SLC37A2: variants seen among roughly 807,000 people sequenced by gnomAD.
SLC37A2 encodes the protein glucose-6-phosphate exchanger SLC37A2.
SLC37A2 carries 59 observed loss-of-function variants against 70.7 expected under a neutral mutation model. That is an observed-to-expected ratio of 0.83 (90% CI 0.68 to 1.04). The LOEUF (loss-of-function observed/expected upper bound fraction) is 1.04. SLC37A2 is among the 50% of genes least tolerant of loss of function. The probability of loss-of-function intolerance (pLI) is 0.00; values close to 1 mark genes in which losing one functional copy is unlikely to be tolerated. For synonymous variants in SLC37A2, 257 were observed against 262.1 expected, an observed-to-expected ratio of 0.98 and a Z score of 0.19; for missense variants, 580 against 658.1, an observed-to-expected ratio of 0.88 and a Z score of 1.30.
At chr11:125,086,051 C>A in intron 17 of SLC37A2, 33 bp downstream of exon 17, 1 of 1,603,120 alleles carries the variant, frequency 6.2e-7, no homozygotes, top group Non-Finnish European at 8.5e-7. Flanking sequence ...GCCCCTCTAC[C>A]AACCTCATTT....
At chr11:125,070,411 A>G (rs1949018225) in intron 1 of SLC37A2, among the ~76,000 whole-genome samples, 1 of 151,864 alleles carries the variant, frequency 6.6e-6, no homozygotes, top group Non-Finnish European at 1.5e-5. Context: ...TCTTTATAAC[A>G]CTCTCGTGCA....
chr11:125,088,363 T>C lies in SLC37A2; in HGVS notation c.*229T>C. 3.5e-6 allele frequency: 2 copies of C among 575,986 alleles called. No homozygotes were observed. Among genetic ancestry groups the C allele is most frequent in the South Asian group, 2.3e-5 (1 of 43,728 alleles). 35.7% of individuals were successfully genotyped at this position (575,986 alleles called of 1,614,324 possible). A position where few individuals can be genotyped will look rare whatever the true frequency, so the allele number is the denominator to read the frequency against. On this transcript the variant is annotated 3_prime_UTR_variant, in exon 18 of 18. Transcript: ENST00000403796. ...ATTCAGGGGCCTGAGCTCTGGAAGC[T>C]GCAAGCAAAAGGGATGGGACTAGGG... is the stretch of plus-strand genomic sequence containing the variant.
At chr11:125,076,549 A>T (rs1335297886) in intron 1 of SLC37A2, among the ~76,000 whole-genome samples, 4 of 152,110 alleles carry the variant, frequency 2.6e-5, no homozygotes, top group African/African-American at 9.7e-5. Context: ...AGGCCTCAGG[A>T]GTTGGGACCA....
At chr11:125,068,870 A>G (rs575754800) in intron 1 of SLC37A2, among the ~76,000 whole-genome samples, 1 of 152,342 alleles carries the variant, frequency 6.6e-6, no homozygotes, top group African/African-American at 2.4e-5. Flanking sequence ...GAGAAATCAA[A>G]TCTCTGTCAC....
intron 17 of SLC37A2, 144 bp from the exon 18 acceptor site, chr11:125,087,975 G>A: frequency 1.2e-6 from 1 of 860,170 alleles, no homozygotes; most frequent in Non-Finnish European, 1.8e-6. Flanking sequence ...TGCCTGAGAG[G>A]TGAAAGGGAG....
intron 1 of SLC37A2, among the ~76,000 whole-genome samples, chr11:125,065,367 C>T (rs1439264362): frequency 6.6e-6 from 1 of 152,116 alleles, no homozygotes; most frequent in Non-Finnish European, 1.5e-5. Flanking sequence ...ATAAACTTAG[C>T]TGGAAGTTTT....
rs1949208754 is a variant in SLC37A2, at chr11:125,085,948, C to T, written c.1426-6C>T. ...CTCCCTTCCCTCTGTGCCTTGTGCTCCACAGCTCCTTTGCCGGTTAGTATA... is the reference window on the plus strand; with the variant it reads ...CTCCCTTCCCTCTGTGCCTTGTGCTTCACAGCTCCTTTGCCGGTTAGTATA... On this transcript the variant is annotated splice_region_variant and splice_polypyrimidine_tract_variant and intron_variant, in intron 16 of 17. Coordinates refer to ENST00000403796, the MANE Select transcript of SLC37A2 (RefSeq NM_001145290.2). 1 of 1,614,000 alleles carries T rather than the reference C, an allele frequency of 6.2e-7. No individual in the cohort carries two copies. The highest frequency in any genetic ancestry group is 8.5e-7 in the Non-Finnish European group (1 of 1,179,870).
chr11:125,069,924 T>C (rs2135560326), intron 1 of SLC37A2, among the ~76,000 whole-genome samples: 1 of 152,358 alleles, frequency 6.6e-6, no homozygotes, highest in South Asian at 2.1e-4. Flanking sequence ...TTCCCCAGCC[T>C]GGAGCCTGGC....
At chr11:125,078,800 C>A (rs60275440) in intron 4 of SLC37A2, among the ~76,000 whole-genome samples, 1 of 73,312 alleles carries the variant, frequency 1.4e-5, no homozygotes, top group Non-Finnish European at 2.9e-5. Flanking sequence ...CATGTGATGC[C>A]TGTGGAGCTA....
In SLC37A2 at chr11:125,076,039, C is replaced by T. The variant is rs1041284708; in HGVS notation, c.60-718C>T. On this transcript the variant is annotated intron_variant, in intron 1 of 17. Transcript: ENST00000403796. Reference sequence around the variant, plus strand: ...TTCCCCAGGCCTCAGGCTTGGGGAGCGGCCGGGGCACAGTGGAAAAGCTGA... The same window carrying T: ...TTCCCCAGGCCTCAGGCTTGGGGAGTGGCCGGGGCACAGTGGAAAAGCTGA... Among the ~76,000 whole-genome samples, 7 of 151,710 alleles carry T rather than the reference C, an allele frequency of 4.6e-5. No homozygotes were observed. In the South Asian group the frequency reaches 8.4e-4, roughly 18 times the overall value.
In SLC37A2 at chr11:125,071,136, G is replaced by T. The variant is rs558158427; in HGVS notation, c.60-5621G>T. 1.5e-3 allele frequency among the ~76,000 whole-genome samples: 221 copies of T among 152,282 alleles called. 4 individuals are homozygous for T. The highest frequency in any genetic ancestry group is 4.3e-4 in the Non-Finnish European group (29 of 68,014). On this transcript the variant is annotated intron_variant, in intron 1 of 17. Coordinates refer to ENST00000403796, the MANE Select transcript of SLC37A2 (RefSeq NM_001145290.2). ...TAACAGACACTAAGTTGGTGTGTGT[G>T]TGGGGTGGGGGGGCGGTGTCACTGC...
At position 125,081,456 on chromosome 11, in the gene SLC37A2, C is replaced by T. The variant is rs1949148599; in HGVS notation, c.730C>T (p.His244Tyr). The T allele has an allele frequency of 3.1e-6, 5 of 1,609,838 alleles. No individual in the cohort carries two copies. Among genetic ancestry groups the T allele is most frequent in the Non-Finnish European group, 4.2e-6 (5 of 1,177,642 alleles). The change falls in exon 8 of 18, where the codon CAC (histidine) becomes TAC (tyrosine). Residue 244 changes from histidine (H) to tyrosine (Y), a missense_variant and splice_region_variant. By Grantham distance (83) the His-to-Tyr change is moderately conservative. Coordinates refer to ENST00000403796, the MANE Select transcript of SLC37A2 (RefSeq NM_001145290.2). The part of the protein sequence containing the change: ...EDVDCAPPQH[H>Y]GEPAENQDNP... ...TGTGGACTGCGCCCCTCCTCAGCAC[C>T]ACGTGAGTGTGAGCCCTCCCAGCCC...
intron 6 of SLC37A2, 77 bp downstream of exon 6, chr11:125,079,837 T>A: frequency 8.7e-7 from 1 of 1,146,158 alleles, no homozygotes; most frequent in South Asian, 1.3e-5. Flanking sequence ...TGGCCTCTGA[T>A]GTAATTTCAG....
chr11:125,081,905 C>A lies in SLC37A2; in HGVS notation c.884C>A (p.Pro295Gln). Residue 295 changes from proline (P) to glutamine (Q), a missense_variant and splice_region_variant, in exon 9 of 18, where the codon CCA becomes CAA. Transcript: ENST00000403796. Reference protein sequence around the residue: ...AISFFGALRIPGVVEFSLCLL... With the variant: ...AISFFGALRIQGVVEFSLCLL... ...AGCTTCTTTGGGGCGCTCCGGATCC[C>A]AGTAAGAAGTTTGTGGAATGGAGGA... 6.2e-7 allele frequency: 1 copy of A among 1,600,026 alleles called. No homozygotes were observed.
In SLC37A2 at chr11:125,077,499, C is replaced by T. The variant is rs369588617; in HGVS notation, c.285C>T (p.Leu95=). ...ELLGGVDNAF[L]IAYAIGMFIS... ...TAGGGGGCGTGGACAACGCCTTCCT[C>T]ATCGCCTATGCCATCGGCATGTTCA... is the stretch of plus-strand genomic sequence containing the variant. The change falls in exon 4 of 18, where the codon CTC becomes CTT. Residue 95 remains leucine, a synonymous_variant. Transcript: ENST00000403796. 543 of 1,613,876 alleles carry T rather than the reference C, an allele frequency of 3.4e-4. No individual in the cohort carries two copies. The highest frequency in any genetic ancestry group is 6.6e-4 in the Middle Eastern group (4 of 6,062).
At chr11:125,077,411 C>G in intron 3 of SLC37A2, 39 bp from the exon 4 acceptor site, 1 of 1,600,836 alleles carries the variant, frequency 6.2e-7, no homozygotes, top group Non-Finnish European at 8.5e-7. Flanking sequence ...GCAGGGGCAT[C>G]CACGCAGTCA....
At position 125,083,812 on chromosome 11, in the gene SLC37A2, C is replaced by T. The variant is rs1307076365; in HGVS notation, c.977-3C>T. On this transcript the variant is annotated splice_region_variant and splice_polypyrimidine_tract_variant and intron_variant, in intron 10 of 17. Transcript: ENST00000403796. The surrounding 1 kb of genome is among the most constrained non-coding windows in gnomAD (Gnocchi z 4.6). ...TCTGACCACATACCTGTATTTTCCA[C>T]AGCTCACTTTAGTGCCAAGGAGGCT... is the stretch of plus-strand genomic sequence containing the variant. The T allele has an allele frequency of 1.2e-6, 2 of 1,613,990 alleles. No homozygotes were observed. The highest frequency in any genetic ancestry group is 4.5e-5 in the East Asian group (2 of 44,886).
chr11:125,064,228 G>T (rs1180987849), intron 1 of SLC37A2, among the ~76,000 whole-genome samples: 1 of 152,176 alleles, frequency 6.6e-6, no homozygotes, highest in African/African-American at 2.4e-5. Flanking sequence ...GGGCATGGTG[G>T]TTCATGCTTG....
At position 125,084,861 on chromosome 11, in the gene SLC37A2, G is replaced by T. The variant is rs1477688760; in HGVS notation, c.1162G>T (p.Ala388Ser). ...CAACTACATTGGCCAGGACGGGATT[G>T]CCAGCTCCATAGGTGAGGAGGAGGT... The part of the protein sequence containing the change: ...LYNYIGQDGI[A>S]SSIVMLIICG... The change falls in exon 13 of 18, where the codon GCC (alanine) becomes TCC (serine). Residue 388 changes from alanine (A) to serine (S), a missense_variant. Physicochemically the swap from Ala to Ser is moderately conservative, Grantham distance 99. Coordinates refer to ENST00000403796, the MANE Select transcript of SLC37A2 (RefSeq NM_001145290.2). 1.2e-6 allele frequency: 2 copies of T among 1,613,706 alleles called. No homozygotes were observed. The highest frequency in any genetic ancestry group is 1.7e-6 in the Non-Finnish European group (2 of 1,179,842).
Sources: gnomAD v4.1 joint callset for allele counts (sites outside exome capture counted in the v4.1 genomes callset) on GRCh38, gnomAD v4.1.1 for gene constraint, Gnocchi (gnomAD v3.1) non-coding constraint, MANE v1.5 for transcripts, NCBI Gene and HGNC (gene_info 2026-07-23, HGNC 2026-07-21) for gene names.